ANXA11: variants seen among roughly 807,000 people sequenced by gnomAD.
The protein encoded by ANXA11 is 56 kDa autoantigen.
In ANXA11, 57 loss-of-function variants were observed where a neutral mutation model predicts 64.7. That is an observed-to-expected ratio of 0.88 (90% CI 0.71 to 1.10). The LOEUF is 1.10. ANXA11 is among the 50% of genes least tolerant of loss of function. The pLI, the probability that ANXA11 is intolerant of heterozygous loss-of-function variation, is 0.00. For missense variants in ANXA11, 675 were observed against 670.7 expected, an observed-to-expected ratio of 1.01 and a Z score of -0.07; for synonymous variants, 260 against 265.2, an observed-to-expected ratio of 0.98 and a Z score of 0.19.
chr10:80,199,865 C>T (rs1840342854), intron 1 of ANXA11, among the ~76,000 whole-genome samples: 1 of 152,132 alleles, frequency 6.6e-6, no homozygotes, highest in Admixed American at 6.5e-5. Flanking sequence ...TAGTCCAGCC[C>T]GCTGAGACAG....
At chr10:80,200,012 A>T (rs1349100874) in intron 1 of ANXA11, among the ~76,000 whole-genome samples, 21 of 152,226 alleles carry the variant, frequency 1.4e-4, no homozygotes, top group Admixed American at 1.4e-3. Context: ...TGAGGAAGGA[A>T]ATGCGTAAAT....
At chr10:80,175,586 TA>T (rs66671035) in intron 2 of ANXA11, among the ~76,000 whole-genome samples, 19,512 of 148,790 alleles carry the variant, frequency 0.13, 1,386 homozygotes, top group South Asian at 0.24. Flanking sequence ...AGAGACAAAT[TA>T]AAAAAAAATA....
chr10:80,168,823 C>T, intron 5 of ANXA11, 146 bp downstream of exon 5: 1 of 964,692 alleles, frequency 1.0e-6, no homozygotes, highest in Non-Finnish European at 1.4e-6. Context: ...AGGCATGAGT[C>T]ACTGCACCCG....
intron 13 of ANXA11, among the ~76,000 whole-genome samples, chr10:80,158,711 A>C (rs143690859): frequency 1.3e-5 from 2 of 152,340 alleles, no homozygotes; most frequent in Non-Finnish European, 2.9e-5. Flanking sequence ...TCGCTGCTGC[A>C]AGTAAAAATC....
At chr10:80,166,040 G>GCACACA (rs753895566) in intron 8 of ANXA11, 44 bp downstream of exon 8, 19,090 of 1,074,040 alleles carry the variant, frequency 0.018, 304 homozygotes, top group African/African-American at 0.098. Context: ...GCACACACGC[G>GCACACA]CGCACACACA....
chr10:80,204,640 G>A (rs1840593060), intron 1 of ANXA11, among the ~76,000 whole-genome samples: 1 of 152,158 alleles, frequency 6.6e-6, no homozygotes, highest in South Asian at 2.1e-4. Context: ...AACAAACTTC[G>A]CGTGTCTCCT....
intron 9 of ANXA11, among the ~76,000 whole-genome samples, chr10:80,163,842 C>G (rs34100029): frequency 0.13 from 19,657 of 152,198 alleles, 1,404 homozygotes; most frequent in South Asian, 0.25. Flanking sequence ...GTTTTCCCTG[C>G]CTCTCCCTTA....
intron 1 of ANXA11, chr10:80,181,278 C>A (rs1442914197): frequency 6.6e-6 from 1 of 152,060 alleles, no homozygotes. Context: ...TAATGAGACC[C>A]TGTCGTTACA....
intron 2 of ANXA11, among the ~76,000 whole-genome samples, chr10:80,173,437 A>AT (rs1444625826): frequency 1.3e-5 from 2 of 152,208 alleles, no homozygotes; most frequent in Non-Finnish European, 2.9e-5. Context: ...GGTTCATCTG[A>AT]TGCAGGGTGA....
At chr10:80,190,201 A>C (rs1470370567) in intron 1 of ANXA11, among the ~76,000 whole-genome samples, 1 of 152,254 alleles carries the variant, frequency 6.6e-6, no homozygotes, top group Non-Finnish European at 1.5e-5. Context: ...TGACTGTTGC[A>C]CAACGAAGTG....
chr10:80,195,874 A>T (rs964880094), intron 1 of ANXA11: 1 of 152,458 alleles, frequency 6.6e-6, no homozygotes, highest in Non-Finnish European at 1.5e-5. Flanking sequence ...ATTCACTATC[A>T]CGAGAATAGC....
At position 80,166,958 on chromosome 10, in the gene ANXA11, A is replaced by G. The variant is rs147839760; in HGVS notation, c.676T>C (p.Cys226Arg). 2 of 1,607,054 alleles carry G rather than the reference A, an allele frequency of 1.2e-6. No homozygotes were observed. The highest frequency in any genetic ancestry group is 1.1e-5 in the South Asian group (1 of 89,800). ...TGCTTGTTGGAGCGACTCCCCAGGC[A>G]GTCAATGATGGCCTGCTCATCCGTC... ...FGTDEQAIID[C>R]LGSRSNKQRQ... Residue 226 changes from cysteine (C) to arginine (R), a missense_variant, in exon 7 of 16, where the codon TGC becomes CGC. Transcript: ENST00000422982.
At chr10:80,180,544 C>A (rs1480313885) in intron 1 of ANXA11, among the ~76,000 whole-genome samples, 1 of 152,278 alleles carries the variant, frequency 6.6e-6, no homozygotes, top group Non-Finnish European at 1.5e-5. Context: ...CAGGGCCTAA[C>A]AGCAAACCAA....
chr10:80,201,631 G>A (rs1840426084), intron 1 of ANXA11, among the ~76,000 whole-genome samples: 2 of 152,166 alleles, frequency 1.3e-5, no homozygotes, highest in South Asian at 4.1e-4. Context: ...AGCACACCAC[G>A]CAGGGCGAGG....
intron 1 of ANXA11, among the ~76,000 whole-genome samples, chr10:80,177,807 G>C (rs1846223565): frequency 6.6e-6 from 1 of 152,142 alleles, no homozygotes; most frequent in Non-Finnish European, 1.5e-5. Context: ...ATTACCCCCA[G>C]GAGAAAAGTA....
intron 7 of ANXA11, 24 bp from the exon 8 acceptor site, chr10:80,166,221 A>C: frequency 7.3e-7 from 1 of 1,370,766 alleles, no homozygotes; most frequent in Non-Finnish European, 1.0e-6. Context: ...CAAACAAACA[A>C]CCAACAAAAA....
At position 80,166,901 on chromosome 10, in the gene ANXA11, C is replaced by T. The variant is rs1384337018; in HGVS notation, c.733G>A (p.Ala245Thr). 1 of 1,606,468 alleles carries T rather than the reference C, an allele frequency of 6.2e-7. No individual in the cohort carries two copies. The highest frequency in any genetic ancestry group is 1.7e-5 in the Admixed American group (1 of 59,404). Residue 245 changes from alanine (A) to threonine (T), a missense_variant, in exon 7 of 16, where the codon GCT (alanine) becomes ACT (threonine). Ala to Thr is a moderately conservative substitution (Grantham distance 58, BLOSUM62 0). Coordinates refer to ENST00000422982, the MANE Select transcript of ANXA11 (RefSeq NM_145868.2). ...RQQILLSFKT[A>T]YGKDLIKDLK... ...ACCCCGCAGCTCGCCTTGCCGTAAG[C>T]CGTCTTGAAGGAAAGTAGGATCTGC... is the stretch of plus-strand genomic sequence containing the variant.
chr10:80,160,293 G>T (rs773706888), intron 12 of ANXA11, among the ~76,000 whole-genome samples: 2 of 152,136 alleles, frequency 1.3e-5, no homozygotes, highest in Non-Finnish European at 2.9e-5. Flanking sequence ...TTTCACTCAG[G>T]CTCCATTACA....
At chr10:80,177,857 C>T (rs1449353674) in intron 1 of ANXA11, among the ~76,000 whole-genome samples, 1 of 152,198 alleles carries the variant, frequency 6.6e-6, no homozygotes, top group African/African-American at 2.4e-5. Context: ...CAGGTGGACA[C>T]AGGCTCCCAG....
Sources: gnomAD v4.1 joint callset for allele counts (sites outside exome capture counted in the v4.1 genomes callset) on GRCh38, gnomAD v4.1.1 for gene constraint, MANE v1.5 for transcripts, NCBI Gene and HGNC (gene_info 2026-07-23, HGNC 2026-07-21) for gene names.